IFT80: variants seen among roughly 807,000 people sequenced by gnomAD.
IFT80 encodes the protein intraflagellar transport protein 80 homolog.
IFT80 carries 79 observed loss-of-function variants against 107.9 expected under a neutral mutation model. The ratio of observed to expected loss-of-function variants is 0.73; its 90% confidence interval spans 0.61 to 0.88. The LOEUF is 0.88. Among genes scored for constraint, IFT80 ranks in the 40% least tolerant of loss-of-function variants. The pLI, the probability that IFT80 is intolerant of heterozygous loss-of-function variation, is 0.00. For missense variants in IFT80, 797 were observed against 914.2 expected, an observed-to-expected ratio of 0.87 and a Z score of 1.65; for synonymous variants, 299 against 300.9, an observed-to-expected ratio of 0.99 and a Z score of 0.07.
chr3:160,273,547 A>C (rs754242384), intron 18 of IFT80, among the ~76,000 whole-genome samples: 2 of 152,198 alleles, frequency 1.3e-5, no homozygotes, highest in Admixed American at 1.3e-4. Flanking sequence ...GTTAAAAGTA[A>C]CTTCTACGTT....
intron 9 of IFT80, among the ~76,000 whole-genome samples, chr3:160,318,923 AC>A (rs1397919608): frequency 6.6e-6 from 1 of 152,018 alleles, no homozygotes; most frequent in East Asian, 1.9e-4. Context: ...CCCTCCCTAT[AC>A]CCAGAGGAAA....
rs76060782 is a variant in IFT80 at position 160,393,348 on chromosome 3, G to C, written c.-47+5798C>G. On this transcript the variant is annotated intron_variant, in intron 1 of 19. Transcript: ENST00000326448. ...GATATATGTGTTTATAATATGGAAG[G>C]GTTAAAATCAAGAAAATATAATTAA... is the stretch of plus-strand genomic sequence containing the variant. 2.0e-5 allele frequency among the ~76,000 whole-genome samples: 3 copies of C among 152,126 alleles called. No individual in the cohort carries two copies. The East Asian group carries it at 5.8e-4, about 29-fold the overall frequency.
chr3:160,351,517 G>T (rs1263333573), intron 8 of IFT80, among the ~76,000 whole-genome samples: 1 of 146,224 alleles, frequency 6.8e-6, no homozygotes, highest in Non-Finnish European at 1.5e-5. Context: ...ATATCCTCCA[G>T]AAAGATTTGA....
intron 8 of IFT80, among the ~76,000 whole-genome samples, chr3:160,337,394 G>A (rs961026084): frequency 1.3e-5 from 2 of 152,204 alleles, no homozygotes. Flanking sequence ...GGGAGGCTGA[G>A]GCAGGTGGAT....
chr3:160,378,098 T>A (rs529420655), intron 3 of IFT80, among the ~76,000 whole-genome samples: 2 of 152,294 alleles, frequency 1.3e-5, no homozygotes, highest in South Asian at 4.1e-4. Context: ...TACATACTTC[T>A]GCAACTAAGT....
intron 10 of IFT80, among the ~76,000 whole-genome samples, chr3:160,304,974 T>C (rs1015244620): frequency 6.6e-6 from 1 of 152,184 alleles, no homozygotes; most frequent in Non-Finnish European, 1.5e-5. Flanking sequence ...TAAAATACTA[T>C]ATAAATGTAA....
chr3:160,339,457 T>G (rs1182373721), intron 8 of IFT80, among the ~76,000 whole-genome samples: 2 of 152,180 alleles, frequency 1.3e-5, no homozygotes, highest in East Asian at 3.8e-4. Context: ...GTTATACTAA[T>G]TTTTTGCCAC....
chr3:160,296,325 T>C (rs1469047863), intron 12 of IFT80, among the ~76,000 whole-genome samples: 1 of 152,180 alleles, frequency 6.6e-6, no homozygotes, highest in Non-Finnish European at 1.5e-5. Flanking sequence ...CAGCTCAATT[T>C]CCCTCAGATT....
chr3:160,301,687 G>A (rs747814153), intron 11 of IFT80, among the ~76,000 whole-genome samples: 2 of 151,766 alleles, frequency 1.3e-5, no homozygotes, highest in African/African-American at 2.4e-5. Context: ...TAAGGCACAG[G>A]GCTCTCTGTA....
rs761381262 is a variant in IFT80 at position 160,282,567 on chromosome 3, T to A, written c.1427A>T (p.Asp476Val). The A allele has an allele frequency of 3.8e-6, 6 of 1,593,932 alleles. No individual in the cohort carries two copies. The highest frequency in any genetic ancestry group is 1.1e-5 in the South Asian group (1 of 88,106). The change falls in exon 14 of 20, where the codon GAT (aspartate) becomes GTT (valine). Residue 476 changes from aspartate to valine, a missense_variant. Coordinates refer to ENST00000326448, the MANE Select transcript of IFT80 (RefSeq NM_020800.3). ...IALDQKGLTN[D>V]RKIAFIDKNR... ...TTTATCAATGAAAGCAATTTTTCTATCATTGGTAAGTCCTTTTTGATCCAG... is the reference window on the plus strand; with the variant it reads ...TTTATCAATGAAAGCAATTTTTCTAACATTGGTAAGTCCTTTTTGATCCAG...
intron 13 of IFT80, among the ~76,000 whole-genome samples, chr3:160,284,055 T>C (rs1714904701): frequency 6.6e-6 from 1 of 152,132 alleles, no homozygotes; most frequent in Non-Finnish European, 1.5e-5. Context: ...TAAAATAAAA[T>C]AGATTGGGTG....
chr3:160,375,760 A>G, intron 5 of IFT80, 52 bp downstream of exon 5: 4 of 1,258,732 alleles, frequency 3.2e-6, no homozygotes, highest in Non-Finnish European at 4.6e-6. Flanking sequence ...ACTTTAAGGC[A>G]TTTTTGTATT....
chr3:160,276,498 C>T (rs1289127768), intron 18 of IFT80, among the ~76,000 whole-genome samples: 2 of 152,112 alleles, frequency 1.3e-5, no homozygotes, highest in South Asian at 2.1e-4. Context: ...AAAGACACTT[C>T]AAACCTGGAA....
At chr3:160,262,087 C>T (rs772722738) in intron 19 of IFT80, among the ~76,000 whole-genome samples, 4 of 152,120 alleles carry the variant, frequency 2.6e-5, no homozygotes, top group African/African-American at 7.2e-5. Flanking sequence ...TTCTCCTCAA[C>T]GCTTGTAAGT....
Position 160,301,041 on chromosome 3 carries a change from A to C in IFT80, c.1157T>G (p.Phe386Cys). The C allele has an allele frequency of 6.4e-7, 1 of 1,569,882 alleles. No individual in the cohort carries two copies. Among genetic ancestry groups the C allele is most frequent in the Non-Finnish European group, 8.7e-7 (1 of 1,146,954 alleles). ...GATACTACTACCATCTACAAGAAGA[A>C]AATGTCTAAAAAATAAAGAATAGAA... ...VSLILQAERH[F>C]LLVDGSSIYL... The change falls in exon 12 of 20, where the codon TTT becomes TGT. Residue 386 changes from phenylalanine to cysteine, a missense_variant. By Grantham distance (205) the Phe-to-Cys change is radical (BLOSUM62 -2). Transcript: ENST00000326448.
At chr3:160,268,383 T>C (rs755428490) in intron 19 of IFT80, 30 bp downstream of exon 19, 2 of 1,563,218 alleles carry the variant, frequency 1.3e-6, no homozygotes, top group South Asian at 2.2e-5. Flanking sequence ...AAAGCATATG[T>C]ATTATTATAC....
At chr3:160,359,985 A>G (rs1046341157) in intron 6 of IFT80, among the ~76,000 whole-genome samples, 2 of 152,340 alleles carry the variant, frequency 1.3e-5, no homozygotes, top group Admixed American at 6.5e-5. Flanking sequence ...CAATGGAACA[A>G]AGCTGGACAG....
rs559498572 is a variant in IFT80, at chr3:160,352,893, G to A, written c.777+3120C>T. Among the ~76,000 whole-genome samples, 5 of 151,936 alleles carry A rather than the reference G, an allele frequency of 3.3e-5. 1 individual carries two copies. Among genetic ancestry groups the A allele is most frequent in the African/African-American group, 9.7e-5 (4 of 41,360 alleles). On this transcript the variant is annotated intron_variant, in intron 8 of 19. Transcript: ENST00000326448. ...CTACTTCCCTATTATTCAGGCCAAC[G>A]TCATCATTTTCTTGTACTACAACAG...
intron 12 of IFT80, among the ~76,000 whole-genome samples, chr3:160,289,046 A>G (rs984325018): frequency 6.6e-6 from 1 of 151,972 alleles, no homozygotes; most frequent in African/African-American, 2.4e-5. Context: ...TGGCAAAGAT[A>G]TGGAGTTAAC....
Sources: allele counts gnomAD v4.1 joint callset (sites outside exome capture counted in the v4.1 genomes callset), GRCh38; gene constraint gnomAD v4.1.1; transcripts MANE v1.5; gene names NCBI Gene and HGNC (gene_info 2026-07-23, HGNC 2026-07-21).